The following TXLNB variants were observed in gnomAD, a reference collection of about 807,000 sequenced individuals.
TXLNB encodes beta-taxilin.
In TXLNB, 37 loss-of-function variants were observed where a neutral mutation model predicts 57.4. That is an observed-to-expected ratio of 0.64 (90% confidence interval 0.50 to 0.85). TXLNB has a LOEUF of 0.85. TXLNB is among the 40% of genes least tolerant of loss of function. TXLNB has a pLI of 0.00. For missense variants in TXLNB, 848 were observed against 825.6 expected (o/e 1.03, Z -0.33); for synonymous variants, 302 against 309.6 (o/e 0.98, Z 0.26).
chr6:139,186,023 A>G, the TXLNB span, among the ~76,000 whole-genome samples: 7 of 152,240 alleles, frequency 4.6e-5, no homozygotes, highest in African/African-American at 7.2e-5. Flanking sequence ...ACAATCAGCA[A>G]GAAGATCAAC....
At chr6:139,170,728 A>AAAG in the TXLNB span, among the ~76,000 whole-genome samples, 1 of 152,218 alleles carries the variant, frequency 6.6e-6, no homozygotes, top group Non-Finnish European at 1.5e-5. Flanking sequence ...AAGCCATAAT[A>AAAG]AAGAACTTTG....
chr6:139,174,597 G>GA, the TXLNB span: 2 of 1,571,118 alleles, frequency 1.3e-6, no homozygotes, highest in African/African-American at 2.7e-5. Context: ...GTCCCCAAGT[G>GA]AATGTAGGGA....
downstream of TXLNB, chr6:139,240,048 G>A (rs1775893636): frequency 6.6e-6 from 1 of 152,142 alleles, no homozygotes; most frequent in South Asian, 2.1e-4. Context: ...AAAATAAAAT[G>A]AGTACTAGAG....
At chr6:139,191,025 T>C in the TXLNB span, among the ~76,000 whole-genome samples, 1 of 152,206 alleles carries the variant, frequency 6.6e-6, no homozygotes, top group Non-Finnish European at 1.5e-5. Flanking sequence ...GATACAAGAA[T>C]TGCTTAGAAT....
At chr6:139,216,477 G>A in the TXLNB span, among the ~76,000 whole-genome samples, 2 of 117,340 alleles carry the variant, frequency 1.7e-5, no homozygotes, top group Non-Finnish European at 3.4e-5. Context: ...GCCTGTTGTG[G>A]GGTGGGGGGA....
At chr6:139,178,678 G>GATTC in the TXLNB span, 2 of 151,844 alleles carry the variant, frequency 1.3e-5, no homozygotes, top group Non-Finnish European at 1.5e-5. Flanking sequence ...GGATTCAAGC[G>GATTC]ATTCTCCTGT....
the TXLNB span, among the ~76,000 whole-genome samples, chr6:139,181,370 C>T: frequency 6.6e-6 from 1 of 152,286 alleles, no homozygotes; most frequent in African/African-American, 2.4e-5. Flanking sequence ...AATTGTGCAC[C>T]ATTCTGAGTA....
At chr6:139,192,747 A>G in the TXLNB span, among the ~76,000 whole-genome samples, 1 of 151,568 alleles carries the variant, frequency 6.6e-6, no homozygotes, top group African/African-American at 2.4e-5. Context: ...GATCAAGACC[A>G]TTCTGGCTAA....
At chr6:139,166,904 T>G in the TXLNB span, 1 of 1,614,066 alleles carries the variant, frequency 6.2e-7, no homozygotes, top group Non-Finnish European at 8.5e-7. Flanking sequence ...CGGGGAGTTC[T>G]TAAAGAACGC....
chr6:139,280,225 C>G (rs1350397897), intron 2 of TXLNB, among the ~76,000 whole-genome samples: 2 of 146,028 alleles, frequency 1.4e-5, no homozygotes, highest in African/African-American at 5.1e-5. Flanking sequence ...GCACTCCGGC[C>G]TGGCAACAGA....
intron 3 of TXLNB, chr6:139,271,292 T>TTGC (rs1271872849): frequency 6.6e-6 from 1 of 152,330 alleles, no homozygotes; most frequent in African/African-American, 2.4e-5. Context: ...ACACGCCTTG[T>TTGC]TGCTCCCCAC....
At chr6:139,233,618 G>A in the TXLNB span, among the ~76,000 whole-genome samples, 1 of 151,936 alleles carries the variant, frequency 6.6e-6, no homozygotes, top group Non-Finnish European at 1.5e-5. Flanking sequence ...CTGCCACCCT[G>A]TGAAGAAGGT....
the TXLNB span, among the ~76,000 whole-genome samples, chr6:139,299,510 G>C: frequency 6.6e-6 from 1 of 152,164 alleles, no homozygotes; most frequent in African/African-American, 2.4e-5. Flanking sequence ...GGACCTCCTG[G>C]ACAGGGATGT....
At chr6:139,224,292 A>G in the TXLNB span, among the ~76,000 whole-genome samples, 89,440 of 125,138 alleles carry the variant, frequency 0.71, 31,840 homozygotes, top group East Asian at 0.83. Context: ...TCTGGGGACT[A>G]TTGTGGGGTG....
intron 4 of TXLNB, among the ~76,000 whole-genome samples, chr6:139,264,806 C>A (rs912055634): frequency 2.0e-5 from 3 of 152,092 alleles, no homozygotes; most frequent in Non-Finnish European, 4.4e-5. Context: ...ATGATCTGCC[C>A]ACCTTGGCCG....
the TXLNB span, chr6:139,174,267 A>G: frequency 5.0e-6 from 6 of 1,202,170 alleles, no homozygotes; most frequent in Non-Finnish European, 6.8e-6. Context: ...TTCTTTTTAT[A>G]TTTATCCAAA....
chr6:139,208,525 T>C, the TXLNB span, among the ~76,000 whole-genome samples: 2 of 152,140 alleles, frequency 1.3e-5, no homozygotes, highest in African/African-American at 4.8e-5. Flanking sequence ...GTGATGAACA[T>C]AGATGCAAAA....
the TXLNB span, among the ~76,000 whole-genome samples, chr6:139,317,809 A>T: frequency 6.6e-6 from 1 of 152,234 alleles, no homozygotes; most frequent in African/African-American, 2.4e-5. Context: ...GTTGAGAAAT[A>T]CAAATAATCA....
the TXLNB span, among the ~76,000 whole-genome samples, chr6:139,228,214 C>T: frequency 6.6e-6 from 1 of 151,988 alleles, no homozygotes; most frequent in Non-Finnish European, 1.5e-5. Context: ...GCAACCATAC[C>T]CTCTTAAAAA....
Sources: gnomAD v4.1 joint callset for allele counts (sites outside exome capture counted in the v4.1 genomes callset) on GRCh38, gnomAD v4.1.1 for gene constraint, MANE v1.5 for transcripts, NCBI Gene and HGNC (gene_info 2026-07-23, HGNC 2026-07-21) for gene names.